The following UBAP2L variants were observed in gnomAD, a reference collection of about 807,000 sequenced individuals.
UBAP2L encodes the protein ubiquitin-associated protein 2-like.
In UBAP2L, 12 loss-of-function variants were observed where a neutral mutation model predicts 130.6. The observed-to-expected ratio is 0.09, with a 90% CI of 0.06 to 0.15. UBAP2L has a LOEUF of 0.15. Among genes scored for constraint, UBAP2L ranks in the 10% least tolerant of loss-of-function variants. UBAP2L has a pLI of 1.00. For synonymous variants in UBAP2L, 503 were observed against 524.7 expected (o/e 0.96, Z 0.57); for missense variants, 965 against 1,332.5 (o/e 0.72, Z 4.29).
intron 20 of UBAP2L, chr1:154,258,525 A>T (rs539378855): frequency 6.5e-6 from 1 of 153,348 alleles, no homozygotes; most frequent in African/African-American, 2.4e-5. Flanking sequence ...GATAAATTTC[A>T]TACCGATGAC....
chr1:154,233,735 A>G (rs906794401), intron 4 of UBAP2L, among the ~76,000 whole-genome samples: 2 of 151,016 alleles, frequency 1.3e-5, no homozygotes, highest in African/African-American at 2.5e-5. Context: ...AGATTAGAGA[A>G]CGTGCCCAAG....
chr1:154,221,000 TGGCGGCGGCGGC>T (rs557489922), intron 1 of UBAP2L, 25 bp downstream of exon 1: 1 of 192,840 alleles, frequency 5.2e-6, no homozygotes. Context: ...GCAGCGGCGT[TGGCGGCGGCGGC>T]GGCGGCAGCG....
At chr1:154,230,232 C>G (rs1024462319) in intron 4 of UBAP2L, among the ~76,000 whole-genome samples, 1 of 152,146 alleles carries the variant, frequency 6.6e-6, no homozygotes, top group Non-Finnish European at 1.5e-5. Flanking sequence ...GTCTTGAACT[C>G]CTGAGCTCAG....
chr1:154,250,933 G>GA (rs1333826509), intron 12 of UBAP2L, 108 bp from the exon 13 acceptor site: 1 of 1,152,200 alleles, frequency 8.7e-7, no homozygotes. Context: ...CTGCTTATAT[G>GA]AGTTTCTGAT....
downstream of UBAP2L, chr1:154,271,088 A>G: frequency 3.9e-6 from 3 of 771,016 alleles, no homozygotes; most frequent in Non-Finnish European, 6.0e-6. Context: ...GTGACTGGAA[A>G]GAACCACCAC....
chr1:154,221,000 TGGC>T (rs557489922), intron 1 of UBAP2L, 25 bp downstream of exon 1: 114 of 192,360 alleles, frequency 5.9e-4, no homozygotes, highest in Middle Eastern at 4.7e-3. Flanking sequence ...GCAGCGGCGT[TGGC>T]GGCGGCGGCG....
At chr1:154,229,016 G>A (rs1291433791) in intron 4 of UBAP2L, among the ~76,000 whole-genome samples, 1 of 152,210 alleles carries the variant, frequency 6.6e-6, no homozygotes, top group Non-Finnish European at 1.5e-5. Flanking sequence ...CAGGCTGTGG[G>A]GTTAGGCTGA....
At chr1:154,229,177 T>C (rs887730920) in intron 4 of UBAP2L, among the ~76,000 whole-genome samples, 2 of 152,256 alleles carry the variant, frequency 1.3e-5, no homozygotes, top group Non-Finnish European at 2.9e-5. Flanking sequence ...CAATATCAGC[T>C]TCGCATTGCA....
At chr1:154,236,677 C>A in intron 7 of UBAP2L, 66 bp downstream of exon 7, 2 of 1,534,006 alleles carry the variant, frequency 1.3e-6, no homozygotes, top group Non-Finnish European at 9.0e-7. Flanking sequence ...CAGCCTTAAC[C>A]AAAATGATCA....
intron 20 of UBAP2L, 186 bp from the exon 21 acceptor site, chr1:154,258,791 C>T: frequency 1.9e-6 from 1 of 534,056 alleles, no homozygotes; most frequent in Non-Finnish European, 3.4e-6. Context: ...CAAGACCTTT[C>T]ATGAATCATT....
At chr1:154,263,006 A>G in intron 24 of UBAP2L, 1 of 1,171,330 alleles carries the variant, frequency 8.5e-7, no homozygotes, top group Non-Finnish European at 1.2e-6. Context: ...GAATTCAGAA[A>G]CGTATTATAT....
At chr1:154,271,085 G>C (rs756489808), downstream of UBAP2L, 5 of 791,578 alleles carry the variant, frequency 6.3e-6, no homozygotes, top group African/African-American at 7.0e-5. Flanking sequence ...CTGGTGACTG[G>C]AAAGAACCAC....
At chr1:154,269,586 C>T (rs1042875753) in intron 26 of UBAP2L, 9 of 395,872 alleles carry the variant, frequency 2.3e-5, no homozygotes, top group Admixed American at 2.2e-4. Flanking sequence ...CCCTCCCCAA[C>T]ACCCTCTTTA....
chr1:154,249,878 A>G (rs67120161), intron 12 of UBAP2L, among the ~76,000 whole-genome samples: 216 of 149,480 alleles, frequency 1.4e-3, no homozygotes, highest in South Asian at 7.8e-3. Flanking sequence ...AAAAAAAAAA[A>G]AAAGAAAAAT....
chr1:154,241,362 A>G (rs967942816), intron 8 of UBAP2L, 151 bp from the exon 9 acceptor site: 3 of 658,210 alleles, frequency 4.6e-6, no homozygotes, highest in South Asian at 3.6e-5. Flanking sequence ...TATTAGGATT[A>G]TAGGTGTGAG....
In UBAP2L at chr1:154,270,770, G is replaced by GTTTTT. The variant is rs370017648; in HGVS notation, c.*487_*491dup. ...AATTAGTTGAAGTGGTTTTTTTTTT[G>GTTTTT]TTTTTTTTTTTTTTTTGTACTGTGT... On this transcript the variant is annotated 3_prime_UTR_variant, in exon 27 of 27. Transcript: ENST00000428931. 3.2e-4 allele frequency: 299 copies of GTTTTT among 922,232 alleles called. 6 individuals carry two copies. The highest frequency in any genetic ancestry group is 7.6e-4 in the South Asian group (26 of 34,286). The allele number at this position is 922,232 out of a possible 1,614,324, so 57.1% of individuals were successfully genotyped here. A position where few individuals can be genotyped will look rare whatever the true frequency, so the allele number is the denominator to read the frequency against.
intron 22 of UBAP2L, 150 bp downstream of exon 22, chr1:154,260,179 T>G (rs1681060253): frequency 1.3e-6 from 1 of 782,542 alleles, no homozygotes; most frequent in Non-Finnish European, 2.1e-6. Context: ...GCTTTTCCTA[T>G]TCATCCCACT....
intron 20 of UBAP2L, 113 bp downstream of exon 20, chr1:154,257,547 C>A: frequency 1.8e-6 from 2 of 1,112,924 alleles, no homozygotes; most frequent in Non-Finnish European, 2.6e-6. Flanking sequence ...CATACTCAAG[C>A]CCTGCAGTTG....
intron 4 of UBAP2L, among the ~76,000 whole-genome samples, chr1:154,229,927 C>T (rs1669264864): frequency 1.3e-5 from 2 of 152,052 alleles, no homozygotes; most frequent in Admixed American, 6.5e-5. Context: ...CGTGAACCTG[C>T]TCTCTGCAGC....
Sources: allele counts gnomAD v4.1 joint callset (sites outside exome capture counted in the v4.1 genomes callset), GRCh38; gene constraint gnomAD v4.1.1; transcripts MANE v1.5; gene names NCBI Gene and HGNC (gene_info 2026-07-23, HGNC 2026-07-21).